ZNF708: variants seen among roughly 807,000 people sequenced by gnomAD.
The protein encoded by ZNF708 is zinc finger protein 708.
ZNF708 carries 44 observed loss-of-function variants against 47.0 expected under a neutral mutation model. The observed-to-expected ratio is 0.94, with a 90% CI of 0.74 to 1.20. The LOEUF (loss-of-function observed/expected upper bound fraction) is 1.20, where lower values mean the gene tolerates loss of function less well. Among genes scored for constraint, ZNF708 ranks in the 50% most tolerant of loss-of-function variants. The pLI, the probability that ZNF708 is intolerant of heterozygous loss-of-function variation, is 0.00. For missense variants in ZNF708, 557 were observed against 656.0 expected (o/e 0.85, Z 1.65); for synonymous variants, 184 against 218.5 (o/e 0.84, Z 1.39).
At chr19:21,327,539 A>AG (rs1424602718) in intron 1 of ZNF708, among the ~76,000 whole-genome samples, 1 of 151,378 alleles carries the variant, frequency 6.6e-6, no homozygotes, top group Non-Finnish European at 1.5e-5. Flanking sequence ...CCTCAAAAAA[A>AG]AAAAAAAAGA....
intron 1 of ZNF708, among the ~76,000 whole-genome samples, chr19:21,319,247 C>A (rs1195916636): frequency 1.3e-5 from 2 of 152,076 alleles, no homozygotes; most frequent in Non-Finnish European, 2.9e-5. Context: ...AACCAAAGTA[C>A]AACTACAGGC....
chr19:21,311,044 T>G (rs1034988179), intron 1 of ZNF708, among the ~76,000 whole-genome samples: 35 of 152,190 alleles, frequency 2.3e-4, no homozygotes, highest in African/African-American at 7.7e-4. Flanking sequence ...GATTATTTTT[T>G]CAGAAGATCT....
At chr19:21,304,156 T>A (rs1972714661) in intron 3 of ZNF708, among the ~76,000 whole-genome samples, 1 of 151,958 alleles carries the variant, frequency 6.6e-6, no homozygotes. Context: ...CTGTTTCTGG[T>A]GAGTAAGGGT....
chr19:21,294,188 C>T lies in ZNF708; in HGVS notation c.778G>A (p.Ala260Thr). Reference sequence around the variant, plus strand: ...GTAAGGTTTGAGGACCGGTTAAAAGCTTTGCCACATTCTTCACATTTGTAG... The same window carrying T: ...GTAAGGTTTGAGGACCGGTTAAAAGTTTTGCCACATTCTTCACATTTGTAG... ...KLYKCEECGK[A>T]FNRSSNLTKH... The change falls in exon 4 of 4, where the codon GCT becomes ACT. Residue 260 changes from alanine (A) to threonine (T), a missense_variant. Physicochemically the swap from Ala to Thr is moderately conservative, Grantham distance 58. Transcript: ENST00000356929. 1.9e-6 allele frequency: 3 copies of T among 1,612,758 alleles called. No homozygotes were observed. The highest frequency in any genetic ancestry group is 2.5e-6 in the Non-Finnish European group (3 of 1,179,868).
chr19:21,294,438 T>C lies in ZNF708; in HGVS notation c.528A>G (p.Ser176=), dbSNP rs778298841. Residue 176 remains serine, a synonymous_variant, in exon 4 of 4, where the codon TCA becomes TCG. Transcript: ENST00000356929. ...NPFKCKECGK[S]FCMLSQLTQH... is the part of the protein sequence containing the mutation. ...GAGTTAGTTGTGAAAGCATGCAAAA[T>C]GATTTGCCACATTCTTTACATTTGA... 11 of 1,613,990 alleles carry C rather than the reference T, an allele frequency of 6.8e-6. No individual in the cohort carries two copies. In the East Asian group the frequency reaches 2.0e-4, roughly 29 times the overall value.
At chr19:21,327,176 A>G (rs1457863882) in intron 1 of ZNF708, among the ~76,000 whole-genome samples, 3 of 152,166 alleles carry the variant, frequency 2.0e-5, no homozygotes, top group South Asian at 4.1e-4. Flanking sequence ...GGAAGTCAAC[A>G]TAAGTGAACA....
At position 21,294,699 on chromosome 19, in the gene ZNF708, T is replaced by G. The variant is rs772026648; in HGVS notation, c.267A>C (p.Gln89His). Reference sequence around the variant, plus strand: ...CTTGTTGGAAAGAATTTTTTATATATTGCTCTGGCCTAAGGTCTTTGGCAA... The same window carrying G: ...CTTGTTGGAAAGAATTTTTTATATAGTGCTCTGGCCTAAGGTCTTTGGCAA... The part of the protein sequence containing the change: ...SHFAKDLRPE[Q>H]YIKNSFQQVI... Residue 89 changes from glutamine (Q) to histidine (H), a missense_variant, in exon 4 of 4, where the codon CAA becomes CAC. Transcript: ENST00000356929. 1.9e-6 allele frequency: 3 copies of G among 1,613,410 alleles called. No homozygotes were observed.
intron 1 of ZNF708, chr19:21,318,601 A>G (rs1973062886): frequency 6.6e-6 from 1 of 152,218 alleles, no homozygotes; most frequent in Non-Finnish European, 1.5e-5. Flanking sequence ...GAAGAAAAAA[A>G]GCATATTCTC....
intron 3 of ZNF708, among the ~76,000 whole-genome samples, chr19:21,302,217 A>G (rs1972673968): frequency 6.6e-6 from 1 of 152,224 alleles, no homozygotes; most frequent in Non-Finnish European, 1.5e-5. Flanking sequence ...AGACACATAT[A>G]GAATTATTTA....
chr19:21,322,642 TG>T (rs1401391029), intron 1 of ZNF708, among the ~76,000 whole-genome samples: 1 of 152,188 alleles, frequency 6.6e-6, no homozygotes, highest in East Asian at 1.9e-4. Flanking sequence ...TCTCTCACCC[TG>T]GGAGAACTGA....
chr19:21,325,745 A>G (rs1973242953), intron 1 of ZNF708, among the ~76,000 whole-genome samples: 1 of 152,224 alleles, frequency 6.6e-6, no homozygotes, highest in Non-Finnish European at 1.5e-5. Context: ...TAGTTTTTAC[A>G]CGGCAAAAAG....
intron 1 of ZNF708, among the ~76,000 whole-genome samples, chr19:21,327,090 C>T (rs1053495591): frequency 1.2e-4 from 18 of 152,042 alleles, no homozygotes; most frequent in Non-Finnish European, 5.9e-5. Context: ...CTGAAATCCA[C>T]CTCTTTTATG....
chr19:21,292,591 T>C lies in ZNF708; in HGVS notation c.*683A>G, dbSNP rs912280226. 3 of 152,258 alleles carry C rather than the reference T, an allele frequency of 2.0e-5. No individual in the cohort carries two copies. The highest frequency in any genetic ancestry group is 7.2e-5 in the African/African-American group (3 of 41,442). The allele number at this position is 152,258 out of a possible 1,614,324, so 9.4% of individuals were successfully genotyped here. On this transcript the variant is annotated 3_prime_UTR_variant, in exon 4 of 4. Transcript: ENST00000356929. ...CTAGTACAAAATGTGTACAATAAGA[T>C]CTGTGATACAAATAAAGGTATTACA... is the stretch of plus-strand genomic sequence containing the variant.
chr19:21,324,477 G>C (rs1444803816), intron 1 of ZNF708, among the ~76,000 whole-genome samples: 1 of 152,172 alleles, frequency 6.6e-6, no homozygotes, highest in East Asian at 1.9e-4. Context: ...TGAGGCAGGA[G>C]AATAGTTTGA....
chr19:21,293,534 A>T lies in ZNF708; in HGVS notation c.1432T>A (p.Cys478Ser). The change falls in exon 4 of 4, where the codon TGT becomes AGT. Residue 478 changes from cysteine to serine, a missense_variant. Transcript: ENST00000356929. ...KIHTGEKPYK[C>S]EECGKSFILS... ...ATAAAGCTTTTGCCACATTCTTCAC[A>T]CTTATAGGGTTTCTCTCCAGTATGA... The T allele has an allele frequency of 6.2e-7, 1 of 1,613,016 alleles. No individual in the cohort carries two copies. The highest frequency in any genetic ancestry group is 8.5e-7 in the Non-Finnish European group (1 of 1,179,708).
intron 1 of ZNF708, among the ~76,000 whole-genome samples, chr19:21,322,339 T>C (rs959246243): frequency 1.3e-5 from 2 of 151,946 alleles, no homozygotes; most frequent in Admixed American, 6.6e-5. Context: ...TCTAGTTCTG[T>C]CACCCAGGCT....
At position 21,324,584 on chromosome 19, in the gene ZNF708, A is replaced by G. The variant is rs1678829; in HGVS notation, c.3+4626T>C. 7.7e-3 allele frequency among the ~76,000 whole-genome samples: 1,174 copies of G among 152,284 alleles called. 15 individuals carry two copies. Among genetic ancestry groups the G allele is most frequent in the African/African-American group, 0.027 (1,121 of 41,546 alleles). ...TTCCATTTCAAAAAATAAAAAAAAA[A>G]TCCAGCAGTTTCTCAAACACAGTGT... is the stretch of plus-strand genomic sequence containing the variant. On this transcript the variant is annotated intron_variant, in intron 1 of 3. Transcript: ENST00000356929.
chr19:21,294,645 T>A lies in ZNF708; in HGVS notation c.321A>T (p.Gly107=), dbSNP rs2145147335. Reference sequence around the variant, plus strand: ...CCACACTTTTACAGCCTTTCTGATATCCACATTTTCCATATCTTCTCAGTA... The same window carrying A: ...CCACACTTTTACAGCCTTTCTGATAACCACATTTTCCATATCTTCTCAGTA... ...QVILRRYGKC[G]YQKGCKSVDE... The change falls in exon 4 of 4, where the codon GGA becomes GGT. Residue 107 remains glycine, a synonymous_variant. Coordinates refer to ENST00000356929, the MANE Select transcript of ZNF708 (RefSeq NM_021269.3). 11 of 1,614,130 alleles carry A rather than the reference T, an allele frequency of 6.8e-6. No individual in the cohort carries two copies. Among genetic ancestry groups the A allele is most frequent in the Non-Finnish European group, 9.3e-6 (11 of 1,179,988 alleles).
chr19:21,308,276 A>C (rs925584921), intron 3 of ZNF708, among the ~76,000 whole-genome samples: 26 of 151,704 alleles, frequency 1.7e-4, no homozygotes, highest in Admixed American at 1.7e-3. Context: ...AAACTATAAT[A>C]AATCTTTTTT....
Sources: allele counts gnomAD v4.1 joint callset (sites outside exome capture counted in the v4.1 genomes callset), GRCh38; gene constraint gnomAD v4.1.1; transcripts MANE v1.5; gene names NCBI Gene and HGNC (gene_info 2026-07-23, HGNC 2026-07-21).